EPB41L1: variants seen among roughly 807,000 people sequenced by gnomAD.
EPB41L1 encodes the protein band 4.1-like protein 1.
EPB41L1 carries 29 observed loss-of-function variants against 97.8 expected under a neutral mutation model. The ratio of observed to expected loss-of-function variants is 0.30; its 90% CI spans 0.22 to 0.40. EPB41L1 has a LOEUF of 0.40. Ranked by LOEUF, EPB41L1 falls within the 10% of genes least tolerant of loss-of-function variation. The probability of loss-of-function intolerance (pLI) is 1.00; values close to 1 mark genes in which losing one functional copy is unlikely to be tolerated. For synonymous variants in EPB41L1, 383 were observed against 459.2 expected, an observed-to-expected ratio of 0.83 and a Z score of 2.12; for missense variants, 812 against 1,162.3, an observed-to-expected ratio of 0.70 and a Z score of 4.38.
chr20:36,190,386 C>T lies in EPB41L1; in HGVS notation c.1124+12C>T, dbSNP rs751956518. ...CATACATTCTTCCGGTGAGCCTGAC[C>T]TTGGATGGGGTAATGGGGATGGGGC... is the stretch of plus-strand genomic sequence containing the variant. On this transcript the variant is annotated intron_variant, in intron 10 of 21. Coordinates refer to ENST00000338074, the MANE Select transcript of EPB41L1 (RefSeq NM_012156.2). The surrounding 1 kb of genome is among the most constrained non-coding windows in gnomAD (Gnocchi z 5.8). 3 of 1,613,304 alleles carry T rather than the reference C, an allele frequency of 1.9e-6. No individual in the cohort carries two copies. Among genetic ancestry groups the T allele is most frequent in the East Asian group, 2.2e-5 (1 of 44,860 alleles).
intron 1 of EPB41L1, among the ~76,000 whole-genome samples, chr20:36,095,886 C>T (rs1023953489): frequency 6.6e-6 from 1 of 152,090 alleles, no homozygotes; most frequent in Non-Finnish European, 1.5e-5. Flanking sequence ...TTTAGCCGGG[C>T]ATGGTGGCAC....
Position 36,206,759 on chromosome 20 carries a change from G to T in EPB41L1, c.1669-2729G>T. On this transcript the variant is annotated intron_variant, in intron 14 of 21. Transcript: ENST00000338074. The surrounding 1 kb of genome is among the most constrained non-coding windows in gnomAD (Gnocchi z 5.5). ...GAAGGCTGGGAAGATGCCCAGTGGG[G>T]AGTGGAAGGAGAGTTTCCCCACCTG... The T allele has an allele frequency of 8.5e-6, 11 of 1,289,888 alleles. No homozygotes were observed. The highest frequency in any genetic ancestry group is 1.1e-5 in the Non-Finnish European group (11 of 988,892). The allele number at this position is 1,289,888 out of a possible 1,614,324, so 79.9% of individuals were successfully genotyped here.
chr20:36,212,188 T>C lies in EPB41L1; in HGVS notation c.2080-84T>C. 7.6e-7 allele frequency: 1 copy of C among 1,317,876 alleles called. No homozygotes were observed. The highest frequency in any genetic ancestry group is 1.1e-6 in the Non-Finnish European group (1 of 913,114). 81.6% of individuals were successfully genotyped at this position (1,317,876 alleles called of 1,614,324 possible). On this transcript the variant is annotated intron_variant, in intron 15 of 21. Coordinates refer to ENST00000338074, the MANE Select transcript of EPB41L1 (RefSeq NM_012156.2). This position sits in a 1 kb window ranked among gnomAD's most constrained non-coding sequence, Gnocchi z 4.8. ...CCAGCTGTGGGGATAGGAGATAGCCTGCAGACACCACACTGCAATTGTCTG... is the reference window on the plus strand; with the variant it reads ...CCAGCTGTGGGGATAGGAGATAGCCCGCAGACACCACACTGCAATTGTCTG...
intron 14 of EPB41L1, among the ~76,000 whole-genome samples, chr20:36,198,553 T>C (rs557212224): frequency 1.1e-4 from 16 of 152,224 alleles, no homozygotes; most frequent in South Asian, 4.2e-4. Flanking sequence ...TGGAGGGGAA[T>C]GGGCCCTTCA....
At chr20:36,215,886 G>A (rs930699566) in intron 17 of EPB41L1, among the ~76,000 whole-genome samples, 6 of 152,188 alleles carry the variant, frequency 3.9e-5, no homozygotes, top group Non-Finnish European at 5.9e-5. Context: ...GGCATACAGC[G>A]GAGAACAAGG....
At chr20:36,175,085 G>C (rs914518401) in intron 2 of EPB41L1, among the ~76,000 whole-genome samples, 3 of 152,192 alleles carry the variant, frequency 2.0e-5, no homozygotes, top group African/African-American at 7.2e-5. Flanking sequence ...CAGCAGTGGA[G>C]TTAGGACCCG....
At chr20:36,199,246 A>G (rs2062366668) in intron 14 of EPB41L1, among the ~76,000 whole-genome samples, 2 of 152,052 alleles carry the variant, frequency 1.3e-5, no homozygotes, top group Non-Finnish European at 2.9e-5. Flanking sequence ...CGAGACCCAG[A>G]AAGAGGAAGG....
chr20:36,198,576 C>T (rs1215708393), intron 14 of EPB41L1, among the ~76,000 whole-genome samples: 3 of 152,188 alleles, frequency 2.0e-5, no homozygotes, highest in South Asian at 2.1e-4. Flanking sequence ...GAAATCAGAC[C>T]TGCTTCTGAG....
chr20:36,112,453 C>T (rs1301402903), exon 2 of EPB41L1: 2 of 152,386 alleles, frequency 1.3e-5, no homozygotes, highest in Non-Finnish European at 2.9e-5. Context: ...GTTCTTGCCC[C>T]CGGGGAGCTG....
At chr20:36,221,693 A>T (rs914546729) in intron 19 of EPB41L1, among the ~76,000 whole-genome samples, 171 bp from the exon 20 acceptor site, 1 of 152,176 alleles carries the variant, frequency 6.6e-6, no homozygotes, top group African/African-American at 2.4e-5. Context: ...ACCAGGCAAG[A>T]TCTGCAGTTC....
chr20:36,173,286 G>T (rs1388505926), intron 1 of EPB41L1, among the ~76,000 whole-genome samples: 1 of 152,246 alleles, frequency 6.6e-6, no homozygotes. Context: ...GAAGCTTGGG[G>T]TATGAAGAGG....
chr20:36,192,829 G>A (rs1204596469), intron 11 of EPB41L1, among the ~76,000 whole-genome samples: 1 of 152,212 alleles, frequency 6.6e-6, no homozygotes, highest in Non-Finnish European at 1.5e-5. Flanking sequence ...GAGGAATTAA[G>A]TCTAGAAGGG....
rs959068173 is a variant in EPB41L1 at position 36,126,194 on chromosome 20, A to G, written c.-10+13714A>G. Among the ~76,000 whole-genome samples the G allele has an allele frequency of 9.9e-5, 15 of 152,250 alleles. No individual in the cohort carries two copies. In the East Asian group the frequency reaches 2.7e-3, roughly 27 times the overall value. On this transcript the variant is annotated intron_variant, in intron 2 of 19. Transcript: ENST00000202028. ...ATGACTCCTCCATTAGGGATGAGGA[A>G]GGCCTCCTGTGGGGACACCGTGCAT... is the stretch of plus-strand genomic sequence containing the variant.
chr20:36,198,008 C>T lies in EPB41L1; in HGVS notation c.1635C>T (p.Pro545=), dbSNP rs1415213256. The T allele has an allele frequency of 3.7e-6, 6 of 1,613,652 alleles. No homozygotes were observed. The highest frequency in any genetic ancestry group is 1.7e-5 in the Admixed American group (1 of 59,994). ...GGCTGCCCTCCTCCCCCGCCTCCCC[C>T]TCCCCCAAGGGCACCCCTGAGAAAG... ...ERRLPSSPAS[P]SPKGTPEKAN... Residue 545 remains proline, a synonymous_variant, in exon 14 of 22, where the codon CCC becomes CCT. Coordinates refer to ENST00000338074, the MANE Select transcript of EPB41L1 (RefSeq NM_012156.2).
At chr20:36,139,125 G>C (rs940593926) in intron 2 of EPB41L1, among the ~76,000 whole-genome samples, 2 of 152,176 alleles carry the variant, frequency 1.3e-5, no homozygotes. Flanking sequence ...CGGCCCAAGA[G>C]GGCCAGCTTC....
chr20:36,102,685 C>A (rs1476154604), intron 1 of EPB41L1, among the ~76,000 whole-genome samples: 1 of 152,226 alleles, frequency 6.6e-6, no homozygotes, highest in Non-Finnish European at 1.5e-5. Context: ...GGGGACCTCC[C>A]ACTTTTGCAT....
Position 36,190,527 on chromosome 20 carries a change from G to A in EPB41L1, c.1125-95G>A. The stretch of plus-strand genomic sequence containing the variant: ...GGACCACTTTGAATTGTTGTAGTTG[G>A]TGGAGTAGTGGGATGAAAGGCCAGC... On this transcript the variant is annotated intron_variant, in intron 10 of 21. Transcript: ENST00000338074. This position sits in a 1 kb window ranked among gnomAD's most constrained non-coding sequence, Gnocchi z 5.8. 6 of 1,566,278 alleles carry A rather than the reference G, an allele frequency of 3.8e-6. No homozygotes were observed. The highest frequency in any genetic ancestry group is 4.4e-6 in the Non-Finnish European group (5 of 1,142,440).
chr20:36,101,284 AG>A (rs779632961), intron 1 of EPB41L1, among the ~76,000 whole-genome samples: 1 of 152,042 alleles, frequency 6.6e-6, no homozygotes, highest in Non-Finnish European at 1.5e-5. Flanking sequence ...GCCTGGAGAG[AG>A]GGAGGAATAG....
chr20:36,185,008 A>C (rs943638131), intron 6 of EPB41L1, 109 bp from the exon 7 acceptor site: 1 of 1,119,066 alleles, frequency 8.9e-7, no homozygotes, highest in African/African-American at 1.5e-5. Context: ...GTCTACAAAC[A>C]CACTTTTCTG....
Sources: allele counts gnomAD v4.1 joint callset (sites outside exome capture counted in the v4.1 genomes callset), GRCh38; gene constraint gnomAD v4.1.1; non-coding constraint Gnocchi (gnomAD v3.1); transcripts MANE v1.5; gene names NCBI Gene and HGNC (gene_info 2026-07-23, HGNC 2026-07-21).